The following IRS1 variants were observed in gnomAD, a reference collection of about 807,000 sequenced individuals.
IRS1 encodes the protein insulin receptor substrate 1.
IRS1 carries 34 observed loss-of-function variants against 65.6 expected under a neutral mutation model. That is an observed-to-expected ratio of 0.52 (90% confidence interval 0.39 to 0.69). The LOEUF (loss-of-function observed/expected upper bound fraction) is 0.69. IRS1 is among the 30% of genes least tolerant of loss of function. IRS1 has a pLI of 0.00. For missense variants in IRS1, 1,641 were observed against 1,720.2 expected, an observed-to-expected ratio of 0.95 and a Z score of 0.81; for synonymous variants, 699 against 683.5, an observed-to-expected ratio of 1.02 and a Z score of -0.35.
In IRS1 at chr2:226,797,771, G is replaced by C; in HGVS notation, c.968C>G (p.Ser323Cys). Residue 323 changes from serine (S) to cysteine (C), a missense_variant, in exon 1 of 2, where the codon TCC (serine) becomes TGC (cysteine). This residue lies in a region of IRS1 where 1,324 missense variants were observed against 1,361.0 expected (regional missense o/e 0.97). Transcript: ENST00000305123. The surrounding 1 kb of genome is among the most constrained non-coding windows in gnomAD (Gnocchi z 8.1). ...GTCACTGGAGGCGCGGACACGGAAGGAGCCTGGCTTCCCGCCCACCATGCT... is the reference window on the plus strand; with the variant it reads ...GTCACTGGAGGCGCGGACACGGAAGCAGCCTGGCTTCCCGCCCACCATGCT... ...PASMVGGKPG[S>C]FRVRASSDGE... The C allele has an allele frequency of 1.3e-6, 2 of 1,595,566 alleles. No individual in the cohort carries two copies. The highest frequency in any genetic ancestry group is 1.7e-6 in the Non-Finnish European group (2 of 1,174,306).
Position 226,799,369 on chromosome 2 carries a change from T to C in IRS1, c.-631A>G. 5 of 1,195,808 alleles carry C rather than the reference T, an allele frequency of 4.2e-6. No homozygotes were observed. Among genetic ancestry groups the C allele is most frequent in the Non-Finnish European group, 3.2e-6 (3 of 937,078 alleles). 74.1% of individuals were successfully genotyped at this position (1,195,808 alleles called of 1,614,324 possible). A position where few individuals can be genotyped will look rare whatever the true frequency, so the allele number is the denominator to read the frequency against. ...GCGGCGCTGCGGCTGTTGCTGTTGC[T>C]GCTGCTGCTGCTGCTGCTGCTGCCG... On this transcript the variant is annotated 5_prime_UTR_variant, in exon 1 of 2. Transcript: ENST00000305123. This position sits in a 1 kb window ranked among gnomAD's most constrained non-coding sequence, Gnocchi z 6.1.
intron 1 of IRS1, among the ~76,000 whole-genome samples, chr2:226,745,196 G>C (rs1938515048): frequency 6.6e-6 from 1 of 152,174 alleles, no homozygotes; most frequent in African/African-American, 2.4e-5. Flanking sequence ...ATTTCAGAAG[G>C]CCATACACAG....
chr2:226,756,768 C>T (rs555957549), intron 1 of IRS1, among the ~76,000 whole-genome samples: 1 of 152,128 alleles, frequency 6.6e-6, no homozygotes, highest in South Asian at 2.1e-4. Context: ...TAGAGACCAT[C>T]CTGGCCAACA....
chr2:226,748,189 A>T (rs952429628), intron 1 of IRS1, among the ~76,000 whole-genome samples: 3 of 151,936 alleles, frequency 2.0e-5, no homozygotes, highest in African/African-American at 7.3e-5. Context: ...GCACTTTGAG[A>T]GGCCAAGGAG....
rs1232907554 is a variant in IRS1 at position 226,797,771 on chromosome 2, G to T, written c.968C>A (p.Ser323Tyr). 6.3e-7 allele frequency: 1 copy of T among 1,595,564 alleles called. No individual in the cohort carries two copies. Among genetic ancestry groups the T allele is most frequent in the East Asian group, 2.2e-5 (1 of 44,728 alleles). ...PASMVGGKPG[S>Y]FRVRASSDGE... The stretch of plus-strand genomic sequence containing the variant: ...GTCACTGGAGGCGCGGACACGGAAG[G>T]AGCCTGGCTTCCCGCCCACCATGCT... Residue 323 changes from serine to tyrosine, a missense_variant, in exon 1 of 2, where the codon TCC becomes TAC. Physicochemically the swap from Ser to Tyr is moderately radical, Grantham distance 144 (BLOSUM62 -2). Coordinates refer to ENST00000305123, the MANE Select transcript of IRS1 (RefSeq NM_005544.3). The surrounding 1 kb of genome is among the most constrained non-coding windows in gnomAD (Gnocchi z 8.1).
intron 1 of IRS1, among the ~76,000 whole-genome samples, chr2:226,750,294 G>A (rs1211252244): frequency 4.0e-5 from 6 of 150,420 alleles, no homozygotes; most frequent in Non-Finnish European, 8.9e-5. Context: ...TGTTGTCTGA[G>A]TTCATGCAAC....
chr2:226,732,270 G>T lies in IRS1; in HGVS notation c.*4002C>A, dbSNP rs998829739. ...TACAGAACTACGGAAGGACCACAAA[G>T]ATCTTCTGTGGCGCTGCCTCAGAAA... On this transcript the variant is annotated 3_prime_UTR_variant, in exon 2 of 2. Coordinates refer to ENST00000305123, the MANE Select transcript of IRS1 (RefSeq NM_005544.3). 1 of 151,902 alleles carries T rather than the reference G, an allele frequency of 6.6e-6. No homozygotes were observed. Among genetic ancestry groups the T allele is most frequent in the African/African-American group, 2.4e-5 (1 of 41,332 alleles). 9.4% of individuals were successfully genotyped at this position (151,902 alleles called of 1,614,324 possible).
chr2:226,760,964 A>G (rs1938905127), intron 1 of IRS1, among the ~76,000 whole-genome samples: 1 of 152,358 alleles, frequency 6.6e-6, no homozygotes, highest in South Asian at 2.1e-4. Flanking sequence ...ATCTTGTGAA[A>G]GTATGATTGT....
At position 226,796,352 on chromosome 2, in the gene IRS1, C is replaced by G; in HGVS notation, c.2387G>C (p.Gly796Ala). 1.2e-6 allele frequency: 2 copies of G among 1,613,370 alleles called. No individual in the cohort carries two copies. Among genetic ancestry groups the G allele is most frequent in the Non-Finnish European group, 1.7e-6 (2 of 1,180,042 alleles). ...HQHLRLSTSS[G>A]RLLYAATADD... ...TGCTGTTGCAGCATAGAGAAGGCGA[C>G]CAGAGCTAGTGGAAAGGCGGAGGTG... The change falls in exon 1 of 2, where the codon GGT (glycine) becomes GCT (alanine). Residue 796 changes from glycine to alanine, a missense_variant. Gly to Ala is a moderately conservative substitution (Grantham distance 60). Coordinates refer to ENST00000305123, the MANE Select transcript of IRS1 (RefSeq NM_005544.3).
intron 1 of IRS1, among the ~76,000 whole-genome samples, chr2:226,758,499 G>A (rs1302966320): frequency 6.6e-6 from 1 of 152,124 alleles, no homozygotes; most frequent in African/African-American, 2.4e-5. Flanking sequence ...TCAGGAAAAT[G>A]TAAAATTTGA....
intron 1 of IRS1, among the ~76,000 whole-genome samples, chr2:226,771,267 T>C (rs553763898): frequency 6.6e-6 from 1 of 151,892 alleles, no homozygotes; most frequent in Admixed American, 6.6e-5. Context: ...TGCTGAGGAG[T>C]TTATAGCTGG....
chr2:226,786,958 A>T (rs1939500445), intron 1 of IRS1, among the ~76,000 whole-genome samples: 1 of 152,144 alleles, frequency 6.6e-6, no homozygotes, highest in Non-Finnish European at 1.5e-5. Context: ...CCTTTTCTTC[A>T]TTAAAAATAA....
chr2:226,740,446 G>A (rs1272030616), intron 1 of IRS1, among the ~76,000 whole-genome samples: 1 of 152,078 alleles, frequency 6.6e-6, no homozygotes, highest in Non-Finnish European at 1.5e-5. Context: ...CATCTTCTGG[G>A]TTCTACCCAC....
At chr2:226,779,414 A>T (rs1212874564) in intron 1 of IRS1, among the ~76,000 whole-genome samples, 2 of 152,222 alleles carry the variant, frequency 1.3e-5, no homozygotes, top group Non-Finnish European at 2.9e-5. Context: ...TACAACAAAC[A>T]GTATCTACCA....
chr2:226,790,432 A>G (rs957017593), intron 1 of IRS1, among the ~76,000 whole-genome samples: 1 of 152,232 alleles, frequency 6.6e-6, no homozygotes, highest in African/African-American at 2.4e-5. Context: ...CAGAGAAATG[A>G]CTACAATATA....
At chr2:226,793,760 G>C (rs1939653802) in intron 1 of IRS1, among the ~76,000 whole-genome samples, 2 of 152,162 alleles carry the variant, frequency 1.3e-5, no homozygotes, top group African/African-American at 2.4e-5. Flanking sequence ...TCAGAGTAAA[G>C]TGTTTCCAAA....
At chr2:226,781,928 T>A (rs1008157045) in intron 1 of IRS1, among the ~76,000 whole-genome samples, 3 of 151,486 alleles carry the variant, frequency 2.0e-5, no homozygotes, top group African/African-American at 7.3e-5. Context: ...AAGGGAGTTT[T>A]AATTATACTC....
chr2:226,744,943 A>C (rs1938509002), intron 1 of IRS1, among the ~76,000 whole-genome samples: 1 of 152,160 alleles, frequency 6.6e-6, no homozygotes, highest in South Asian at 2.1e-4. Context: ...TGTTCTTTAA[A>C]AAAAAAAACA....
At chr2:226,739,277 G>T (rs1327249903) in intron 1 of IRS1, among the ~76,000 whole-genome samples, 1 of 152,160 alleles carries the variant, frequency 6.6e-6, no homozygotes, top group Non-Finnish European at 1.5e-5. Flanking sequence ...TTTGTACAGG[G>T]TGTGTGTATC....
Sources: gnomAD v4.1 joint callset for allele counts (sites outside exome capture counted in the v4.1 genomes callset) on GRCh38, gnomAD v4.1.1 for gene constraint, gnomAD v4.1.1 regional missense constraint, Gnocchi (gnomAD v3.1) non-coding constraint, MANE v1.5 for transcripts, NCBI Gene and HGNC (gene_info 2026-07-23, HGNC 2026-07-21) for gene names.